The following SAMMSON variants were observed in gnomAD, a reference collection of about 807,000 sequenced individuals.
SAMMSON encodes long intergenic non-protein coding RNA 1212.
chr3:70,265,565 T>C (rs1028506049), intron 6 of SAMMSON, among the ~76,000 whole-genome samples: 4 of 150,328 alleles, frequency 2.7e-5, no homozygotes, highest in Non-Finnish European at 3.0e-5. Flanking sequence ...TAGGGTGGGG[T>C]TGCATTATCA....
chr3:70,170,300 C>T (rs1214150262), intron 4 of SAMMSON, among the ~76,000 whole-genome samples: 2 of 151,346 alleles, frequency 1.3e-5, no homozygotes, highest in African/African-American at 4.9e-5. Flanking sequence ...GTACTTTTGT[C>T]ATGAAGATGA....
intron 2 of SAMMSON, among the ~76,000 whole-genome samples, chr3:70,425,575 CT>C (rs2106776785): frequency 1.1e-5 from 1 of 95,212 alleles, no homozygotes; most frequent in Admixed American, 1.2e-4. Context: ...CCACGCCCAG[CT>C]ATTTTTTTTC....
At chr3:70,141,359 G>A (rs1212090359) in intron 4 of SAMMSON, among the ~76,000 whole-genome samples, 1 of 152,162 alleles carries the variant, frequency 6.6e-6, no homozygotes, top group Non-Finnish European at 1.5e-5. Context: ...ATGCCCAAGG[G>A]CAGAAGAAGA....
downstream of SAMMSON, among the ~76,000 whole-genome samples, chr3:70,393,486 G>A (rs1231641780): frequency 6.6e-6 from 1 of 152,158 alleles, no homozygotes. Context: ...TACATGCCAT[G>A]AGCAATGCTA....
intron 4 of SAMMSON, chr3:70,125,460 C>A: frequency 1.2e-6 from 1 of 811,740 alleles, no homozygotes; most frequent in Non-Finnish European, 2.0e-6. Context: ...GAAATACATT[C>A]CGATGGCATT....
intron 4 of SAMMSON, chr3:70,071,805 T>G (rs1013330035): frequency 2.9e-4 from 44 of 152,008 alleles, no homozygotes; most frequent in African/African-American, 1.1e-3. Context: ...TTCCAATAGC[T>G]TGAAGGGTAG....
chr3:70,076,876 T>C (rs1219200844), intron 4 of SAMMSON, among the ~76,000 whole-genome samples: 9 of 152,196 alleles, frequency 5.9e-5, no homozygotes. Context: ...TAGACACAGT[T>C]ATGTAAATAT....
At chr3:70,036,933 T>A (rs1300645036) in intron 3 of SAMMSON, among the ~76,000 whole-genome samples, 2 of 152,058 alleles carry the variant, frequency 1.3e-5, no homozygotes, top group African/African-American at 4.8e-5. Flanking sequence ...AAGAAGGAAA[T>A]ATGATTTCTT....
intron 2 of SAMMSON, among the ~76,000 whole-genome samples, chr3:70,404,414 TC>T (rs1172990047): frequency 1.3e-5 from 2 of 152,174 alleles, no homozygotes; most frequent in African/African-American, 4.8e-5. Flanking sequence ...GCAGTTTTGA[TC>T]TTGTCAAGAT....
intron 4 of SAMMSON, among the ~76,000 whole-genome samples, chr3:70,156,184 C>A (rs2067591238): frequency 6.6e-6 from 1 of 152,080 alleles, no homozygotes; most frequent in African/African-American, 2.4e-5. Flanking sequence ...CAGGTGGTAT[C>A]TTTGAACTTC....
intron 2 of SAMMSON, among the ~76,000 whole-genome samples, chr3:70,428,718 G>A (rs1385597655): frequency 6.6e-6 from 1 of 152,132 alleles, no homozygotes; most frequent in Non-Finnish European, 1.5e-5. Flanking sequence ...TAGTTGTGGA[G>A]TGTATCTCTA....
downstream of SAMMSON, among the ~76,000 whole-genome samples, chr3:70,392,217 T>C (rs1460281265): frequency 6.6e-6 from 1 of 152,194 alleles, no homozygotes; most frequent in Non-Finnish European, 1.5e-5. Context: ...TTTTTAGATA[T>C]TTACTCTGTG....
chr3:70,291,616 A>G (rs1178298433), intron 7 of SAMMSON, among the ~76,000 whole-genome samples: 1 of 152,170 alleles, frequency 6.6e-6, no homozygotes, highest in East Asian at 1.9e-4. Context: ...TCCACAAATG[A>G]CAAACCCCTG....
At chr3:70,401,093 C>T (rs914152061) in intron 2 of SAMMSON, among the ~76,000 whole-genome samples, 25 of 152,080 alleles carry the variant, frequency 1.6e-4, no homozygotes, top group African/African-American at 6.0e-4. Context: ...AGTCTTTATT[C>T]CTTTTGTTTT....
At chr3:70,433,897 GCT>G (rs1324666365) in intron 2 of SAMMSON, among the ~76,000 whole-genome samples, 1 of 152,112 alleles carries the variant, frequency 6.6e-6, no homozygotes, top group Non-Finnish European at 1.5e-5. Context: ...ATTTGTTGAA[GCT>G]CTGTCCTTTC....
chr3:70,268,029 TCTCCTCCTCCTC>T (rs201481273), intron 6 of SAMMSON, among the ~76,000 whole-genome samples: 2 of 149,334 alleles, frequency 1.3e-5, no homozygotes, highest in Admixed American at 1.3e-4. Context: ...TCTTCCTCTT[TCTCCTCCTCCTC>T]CTCCTCCTCC....
intron 4 of SAMMSON, chr3:70,125,278 T>C: frequency 7.7e-7 from 1 of 1,295,840 alleles, no homozygotes; most frequent in Non-Finnish European, 1.1e-6. Context: ...GTGTTTCTGA[T>C]GAAAAGTCAA....
chr3:70,278,520 A>G (rs1702049953), intron 6 of SAMMSON, among the ~76,000 whole-genome samples: 1 of 152,120 alleles, frequency 6.6e-6, no homozygotes, highest in African/African-American at 2.4e-5. Flanking sequence ...ATCCGTCAAG[A>G]CTGTATGAGA....
chr3:70,330,421 T>C (rs1478422069), intron 7 of SAMMSON, among the ~76,000 whole-genome samples: 1 of 152,066 alleles, frequency 6.6e-6, no homozygotes, highest in Non-Finnish European at 1.5e-5. Flanking sequence ...GCTATCTTTA[T>C]CTATATTGTA....
Sources: gnomAD v4.1 joint callset for allele counts (sites outside exome capture counted in the v4.1 genomes callset) on GRCh38, gnomAD v4.1.1 for gene constraint, MANE v1.5 for transcripts, NCBI Gene and HGNC (gene_info 2026-07-23, HGNC 2026-07-21) for gene names.